XRN1: variants seen among roughly 807,000 people sequenced by gnomAD.
XRN1 encodes the protein 5'-3' exoribonuclease 1, also known as strand-exchange protein 1 homolog.
In XRN1, 67 loss-of-function variants were observed where a neutral mutation model predicts 222.3. The ratio of observed to expected loss-of-function variants is 0.30; its 90% CI spans 0.25 to 0.37. The LOEUF is 0.37. XRN1 is among the 10% of genes least tolerant of loss of function. The probability of loss-of-function intolerance (pLI) is 1.00; values close to 1 mark genes in which losing one functional copy is unlikely to be tolerated. For missense variants in XRN1, 1,707 were observed against 2,000.2 expected (o/e 0.85, Z 2.80); for synonymous variants, 643 against 652.4 (o/e 0.99, Z 0.22).
chr3:142,389,890 ATGT>A (rs1240832202), intron 20 of XRN1, among the ~76,000 whole-genome samples: 4 of 152,166 alleles, frequency 2.6e-5, no homozygotes, highest in Non-Finnish European at 5.9e-5. Flanking sequence ...TGCAGAATGG[ATGT>A]TGTGTTTGCA....
intron 8 of XRN1, among the ~76,000 whole-genome samples, chr3:142,422,080 C>T (rs1460223428): frequency 6.6e-6 from 1 of 152,142 alleles, no homozygotes. Context: ...TGTGGTGGCT[C>T]ATGCCTGTAA....
chr3:142,423,332 A>C (rs1050910380), intron 6 of XRN1, among the ~76,000 whole-genome samples: 3 of 152,206 alleles, frequency 2.0e-5, no homozygotes, highest in East Asian at 1.9e-4. Context: ...ACTCAAAATG[A>C]ATCAAAGATC....
intron 5 of XRN1, among the ~76,000 whole-genome samples, chr3:142,423,853 C>T (rs2069137331): frequency 6.6e-6 from 1 of 152,140 alleles, no homozygotes; most frequent in Non-Finnish European, 1.5e-5. Flanking sequence ...AGCTCACATG[C>T]TTTTCATAAC....
In XRN1 at chr3:142,307,234, T is replaced by G. The variant is rs1408524268; in HGVS notation, c.*4277A>C. The stretch of plus-strand genomic sequence containing the variant: ...AGCTAACTATGGACCAAATTCTCAT[T>G]CTTTTTAATGAGAAACAGCATGAGA... On this transcript the variant is annotated 3_prime_UTR_variant, in exon 41 of 41. Coordinates refer to ENST00000392981, the MANE Select transcript of XRN1 (RefSeq NM_001282857.2). 1 of 152,160 alleles carries G rather than the reference T, an allele frequency of 6.6e-6. No homozygotes were observed. The highest frequency in any genetic ancestry group is 2.1e-4 in the South Asian group (1 of 4,822). 9.4% of individuals were successfully genotyped at this position (152,160 alleles called of 1,614,324 possible).
intron 20 of XRN1, among the ~76,000 whole-genome samples, chr3:142,385,217 T>A (rs1245204456): frequency 6.6e-6 from 1 of 151,878 alleles, no homozygotes; most frequent in Non-Finnish European, 1.5e-5. Context: ...GTAGAAACAA[T>A]CCAAATGTTC....
intron 22 of XRN1, among the ~76,000 whole-genome samples, chr3:142,382,139 T>C (rs368299841): frequency 6.6e-6 from 1 of 152,136 alleles, no homozygotes; most frequent in South Asian, 2.1e-4. Flanking sequence ...TTTTCCTGCA[T>C]AATTACAGTT....
At position 142,397,435 on chromosome 3, in the gene XRN1, T is replaced by C. The variant is rs543117524; in HGVS notation, c.2233A>G (p.Thr745Ala). The part of the protein sequence containing the change: ...TKFYLEEPPG[T>A]QKLYSGRTAP... ...GTTCTTCCTGAATAAAGCTTCTGTG[T>C]TCCTGGAGGTTCTTCCAAGTAAAAC... is the stretch of plus-strand genomic sequence containing the variant. The change falls in exon 20 of 41, where the codon ACA becomes GCA. Residue 745 changes from threonine to alanine, a missense_variant. By Grantham distance (58) the Thr-to-Ala change is moderately conservative. Coordinates refer to ENST00000392981, the MANE Select transcript of XRN1 (RefSeq NM_001282857.2). The C allele has an allele frequency of 1.9e-6, 3 of 1,604,652 alleles. No homozygotes were observed. Among genetic ancestry groups the C allele is most frequent in the Non-Finnish European group, 8.5e-7 (1 of 1,175,650 alleles).
chr3:142,339,469 G>A (rs554701598), intron 33 of XRN1, among the ~76,000 whole-genome samples: 1 of 152,238 alleles, frequency 6.6e-6, no homozygotes, highest in East Asian at 1.9e-4. Context: ...CTACAAACAA[G>A]CCCAGACTTT....
At chr3:142,313,432 AT>A (rs1219242819) in intron 39 of XRN1, among the ~76,000 whole-genome samples, 2 of 152,194 alleles carry the variant, frequency 1.3e-5, no homozygotes, top group African/African-American at 4.8e-5. Flanking sequence ...TGGAGTTTGT[AT>A]TAAGCTCCAT....
intron 15 of XRN1, among the ~76,000 whole-genome samples, chr3:142,410,498 T>G (rs1475656397): frequency 1.5e-5 from 2 of 134,018 alleles, no homozygotes; most frequent in African/African-American, 2.9e-5. Context: ...TTTTTTTTTT[T>G]TTTTTTTTTT....
At chr3:142,403,550 A>G (rs978282138) in intron 18 of XRN1, 124 bp downstream of exon 18, 58 of 784,532 alleles carry the variant, frequency 7.4e-5, no homozygotes, top group Non-Finnish European at 1.0e-4. Flanking sequence ...TCTTTGCTTC[A>G]TCCTTATTTA....
intron 2 of XRN1, among the ~76,000 whole-genome samples, chr3:142,432,083 T>C (rs2069626168): frequency 8.7e-6 from 1 of 115,178 alleles, no homozygotes; most frequent in Non-Finnish European, 1.7e-5. Flanking sequence ...AAATAAATTA[T>C]ACATATAAAA....
intron 31 of XRN1, among the ~76,000 whole-genome samples, chr3:142,356,021 A>T (rs2066458053): frequency 6.6e-6 from 1 of 152,182 alleles, no homozygotes; most frequent in South Asian, 2.1e-4. Context: ...TGTTCTTTAT[A>T]TGCAATTAGT....
intron 36 of XRN1, among the ~76,000 whole-genome samples, chr3:142,329,933 A>G (rs2065645266): frequency 1.3e-5 from 2 of 152,234 alleles, no homozygotes; most frequent in Admixed American, 1.3e-4. Flanking sequence ...ACTGCATTAA[A>G]AAGATGAGTC....
At chr3:142,368,854 T>TA (rs766554228) in intron 27 of XRN1, among the ~76,000 whole-genome samples, 21 of 152,314 alleles carry the variant, frequency 1.4e-4, no homozygotes, top group Non-Finnish European at 2.5e-4. Context: ...TAATAATTAA[T>TA]AAAAACATCT....
intron 29 of XRN1, among the ~76,000 whole-genome samples, chr3:142,361,985 T>C (rs2066651635): frequency 8.1e-6 from 1 of 122,704 alleles, no homozygotes; most frequent in Admixed American, 8.4e-5. Context: ...TTTTTTTTTT[T>C]TGAGACAGAG....
In XRN1 at chr3:142,318,848, T is replaced by C; in HGVS notation, c.4460A>G (p.Gln1487Arg). Reference protein sequence around the residue: ...LSNGLLVHGPQCHSENEAKEK... With the variant: ...LSNGLLVHGPRCHSENEAKEK... ...TTTGGCTTCATTTTCAGAGTGGCACTGTGGCCCATGTACCAGTAAGCCATT... is the reference window on the plus strand; with the variant it reads ...TTTGGCTTCATTTTCAGAGTGGCACCGTGGCCCATGTACCAGTAAGCCATT... Residue 1487 changes from glutamine to arginine, a missense_variant, in exon 38 of 41, where the codon CAG becomes CGG. Physicochemically the swap from Gln to Arg is conservative, Grantham distance 43. Transcript: ENST00000392981. The C allele has an allele frequency of 6.2e-7, 1 of 1,614,032 alleles. No homozygotes were observed.
intron 10 of XRN1, chr3:142,420,381 C>A (rs139947764): frequency 6.6e-6 from 1 of 152,192 alleles, no homozygotes; most frequent in East Asian, 1.9e-4. Flanking sequence ...AATTGTTTTT[C>A]TTTTTTATGA....
chr3:142,327,743 T>C (rs1024343980), intron 37 of XRN1, among the ~76,000 whole-genome samples: 1 of 152,178 alleles, frequency 6.6e-6, no homozygotes, highest in African/African-American at 2.4e-5. Context: ...TGCAGAGTGG[T>C]AAAGTCTGGG....
Sources: allele counts gnomAD v4.1 joint callset (sites outside exome capture counted in the v4.1 genomes callset), GRCh38; gene constraint gnomAD v4.1.1; transcripts MANE v1.5; gene names NCBI Gene and HGNC (gene_info 2026-07-23, HGNC 2026-07-21).